Variants in KLHL1 observed in about 807,000 individuals in gnomAD.
KLHL1 encodes the protein kelch like family member 1, also known as kelch-like protein 1.
In KLHL1, 47 loss-of-function variants were observed where a neutral mutation model predicts 77.7. The ratio of observed to expected loss-of-function variants is 0.60; its 90% CI spans 0.48 to 0.77. The LOEUF (loss-of-function observed/expected upper bound fraction) is 0.77, where lower values mean the gene tolerates loss of function less well. Ranked by LOEUF, KLHL1 falls within the 30% of genes least tolerant of loss-of-function variation. The pLI, the probability that KLHL1 is intolerant of heterozygous loss-of-function variation, is 0.00. For synonymous variants in KLHL1, 360 were observed against 325.2 expected, an observed-to-expected ratio of 1.11 and a Z score of -1.15; for missense variants, 925 against 910.8, an observed-to-expected ratio of 1.02 and a Z score of -0.20.
chr13:70,043,522 T>C (rs1417952690), intron 1 of KLHL1, among the ~76,000 whole-genome samples: 1 of 152,186 alleles, frequency 6.6e-6, no homozygotes, highest in Non-Finnish European at 1.5e-5. Flanking sequence ...ACTCATTGAC[T>C]CATCCAGAGC....
rs757119550 is a variant in KLHL1, at chr13:69,740,404, A to G, written c.1792T>C (p.Leu598=). Residue 598 remains leucine, a synonymous_variant, in exon 8 of 11, where the codon TTG becomes CTG. Coordinates refer to ENST00000377844, the MANE Select transcript of KLHL1 (RefSeq NM_020866.3). The stretch of plus-strand genomic sequence containing the variant: ...AAAAAATTTACTTACTTGCCATTCA[A>G]TGCTGCTACACCAACTGTGCTCCGA... The part of the protein sequence containing the change: ...IARSTVGVAA[L]NGKLYSVGGR... 3 of 1,573,616 alleles carry G rather than the reference A, an allele frequency of 1.9e-6. No individual in the cohort carries two copies. Among genetic ancestry groups the G allele is most frequent in the Admixed American group, 1.7e-5 (1 of 57,306 alleles).
At chr13:69,715,611 T>G (rs1242236843) in intron 9 of KLHL1, among the ~76,000 whole-genome samples, 1 of 151,972 alleles carries the variant, frequency 6.6e-6, no homozygotes, top group Non-Finnish European at 1.5e-5. Flanking sequence ...AGGCAGTTCT[T>G]TATAGCAATG....
At chr13:70,066,800 C>A (rs1028008760) in intron 1 of KLHL1, among the ~76,000 whole-genome samples, 1 of 152,164 alleles carries the variant, frequency 6.6e-6, no homozygotes, top group African/African-American at 2.4e-5. Context: ...TAACCACAAT[C>A]CATCCATGTT....
intron 5 of KLHL1, among the ~76,000 whole-genome samples, chr13:69,863,385 A>G (rs1021596656): frequency 3.9e-5 from 6 of 152,174 alleles, no homozygotes; most frequent in Non-Finnish European, 8.8e-5. Context: ...AGAGAATTAA[A>G]ACAAAATATT....
At chr13:69,812,629 A>C (rs1029945090) in intron 6 of KLHL1, among the ~76,000 whole-genome samples, 1 of 152,028 alleles carries the variant, frequency 6.6e-6, no homozygotes, top group Non-Finnish European at 1.5e-5. Context: ...ACAAGAAAAA[A>C]ACAAACAACC....
Position 69,834,413 on chromosome 13 carries a change from T to A in KLHL1, c.1414+4563A>T, listed in dbSNP as rs1297741587. Among the ~76,000 whole-genome samples, 4 of 151,976 alleles carry A rather than the reference T, an allele frequency of 2.6e-5. 1 individual carries two copies. In the South Asian group the frequency reaches 8.3e-4, roughly 31 times the overall value. On this transcript the variant is annotated intron_variant, in intron 6 of 10. Coordinates refer to ENST00000377844, the MANE Select transcript of KLHL1 (RefSeq NM_020866.3). ...AAATTGTTTTCTGCTTGAAGGGTCCTATGGGAAGAGTTGTGTCGGTAACAG... is the reference window on the plus strand; with the variant it reads ...AAATTGTTTTCTGCTTGAAGGGTCCAATGGGAAGAGTTGTGTCGGTAACAG...
At chr13:69,902,154 A>T (rs569063264) in intron 4 of KLHL1, among the ~76,000 whole-genome samples, 1 of 152,162 alleles carries the variant, frequency 6.6e-6, no homozygotes, top group Non-Finnish European at 1.5e-5. Context: ...GGCACAATAT[A>T]TTGGAAATAT....
chr13:69,823,002 G>A (rs753277226), intron 6 of KLHL1, among the ~76,000 whole-genome samples: 25 of 152,056 alleles, frequency 1.6e-4, no homozygotes, highest in Non-Finnish European at 3.2e-4. Flanking sequence ...CTGTTAAGAC[G>A]TCAAAAGTTC....
chr13:70,076,555 G>A (rs2137424898), intron 1 of KLHL1, among the ~76,000 whole-genome samples: 1 of 151,614 alleles, frequency 6.6e-6, no homozygotes, highest in Non-Finnish European at 1.5e-5. Flanking sequence ...ATGACCTCGG[G>A]TTTGACAATG....
chr13:70,005,831 A>G (rs1310858770), intron 1 of KLHL1, among the ~76,000 whole-genome samples: 2 of 152,034 alleles, frequency 1.3e-5, no homozygotes, highest in Non-Finnish European at 1.5e-5. Context: ...ATTGTCATAT[A>G]TTAGTAAAAA....
intron 4 of KLHL1, 92 bp downstream of exon 4, chr13:69,939,948 C>T: frequency 7.3e-6 from 7 of 958,442 alleles, no homozygotes; most frequent in Non-Finnish European, 1.0e-5. Flanking sequence ...TCATTTTAAA[C>T]TTAAAAAACT....
chr13:69,850,722 T>C (rs1253077702), intron 5 of KLHL1, among the ~76,000 whole-genome samples: 1 of 151,708 alleles, frequency 6.6e-6, no homozygotes, highest in Non-Finnish European at 1.5e-5. Context: ...TCATTCACTG[T>C]CCTGCTGTCT....
intron 4 of KLHL1, among the ~76,000 whole-genome samples, chr13:69,891,281 T>C (rs1009637011): frequency 3.3e-5 from 5 of 152,024 alleles, no homozygotes; most frequent in African/African-American, 1.2e-4. Flanking sequence ...CCCTAATGCA[T>C]AGTAACTATA....
At chr13:70,044,780 A>G (rs1480790594) in intron 1 of KLHL1, among the ~76,000 whole-genome samples, 1 of 152,148 alleles carries the variant, frequency 6.6e-6, no homozygotes, top group Non-Finnish European at 1.5e-5. Context: ...AGACTAGACA[A>G]TTTACCTTTA....
chr13:69,780,276 A>ATTAT (rs1876074832), intron 7 of KLHL1, among the ~76,000 whole-genome samples: 1 of 152,054 alleles, frequency 6.6e-6, no homozygotes, highest in African/African-American at 2.4e-5. Context: ...TCACTGTGGC[A>ATTAT]TTATTTTTAA....
chr13:69,854,702 T>C (rs2138137752), intron 5 of KLHL1, among the ~76,000 whole-genome samples: 1 of 152,196 alleles, frequency 6.6e-6, no homozygotes, highest in East Asian at 1.9e-4. Context: ...CATTTATGAG[T>C]TTCTGTTACT....
intron 1 of KLHL1, among the ~76,000 whole-genome samples, chr13:70,003,224 A>ATCATAT (rs1431603137): frequency 4.0e-5 from 6 of 151,756 alleles, no homozygotes; most frequent in African/African-American, 1.4e-4. Flanking sequence ...TGATAATCAA[A>ATCATAT]TCATATTCAA....
chr13:70,056,421 GA>G (rs1391480386), intron 1 of KLHL1, among the ~76,000 whole-genome samples: 3 of 152,050 alleles, frequency 2.0e-5, no homozygotes, highest in Non-Finnish European at 4.4e-5. Context: ...TTCAGCATTG[GA>G]AAGACCATCC....
At chr13:69,711,870 G>T (rs1484221079) in intron 9 of KLHL1, among the ~76,000 whole-genome samples, 1 of 152,078 alleles carries the variant, frequency 6.6e-6, no homozygotes, top group Non-Finnish European at 1.5e-5. Context: ...TCTCCAACAT[G>T]CAGTATTATG....
Sources: gnomAD v4.1 joint callset for allele counts (sites outside exome capture counted in the v4.1 genomes callset) on GRCh38, gnomAD v4.1.1 for gene constraint, MANE v1.5 for transcripts, NCBI Gene and HGNC (gene_info 2026-07-23, HGNC 2026-07-21) for gene names.